Variants in NSMCE4A observed in about 807,000 individuals in gnomAD.
NSMCE4A encodes non-structural maintenance of chromosomes element 4 homolog A.
In NSMCE4A, 40 loss-of-function variants were observed where a neutral mutation model predicts 47.9. The ratio of observed to expected loss-of-function variants is 0.83; its 90% CI spans 0.65 to 1.09. The LOEUF is 1.09. NSMCE4A is among the 50% of genes least tolerant of loss of function. NSMCE4A has a pLI of 0.00. For synonymous variants in NSMCE4A, 166 were observed against 178.5 expected (o/e 0.93, Z 0.56); for missense variants, 500 against 507.0 (o/e 0.99, Z 0.13).
intron 2 of NSMCE4A, among the ~76,000 whole-genome samples, chr10:121,973,536 C>A (rs885543): frequency 0.13 from 19,847 of 152,166 alleles, 1,497 homozygotes; most frequent in Middle Eastern, 0.17. Context: ...AGACTGGAGA[C>A]CAGCAGGTAC....
chr10:121,964,235 C>T (rs575026219), intron 5 of NSMCE4A, among the ~76,000 whole-genome samples: 2 of 144,882 alleles, frequency 1.4e-5, no homozygotes, highest in African/African-American at 5.1e-5. Context: ...CTCCGCTTCC[C>T]AGGTTCAAGC....
rs1180187802 is a variant in NSMCE4A, at chr10:121,959,329, G to A, written c.*7C>T. 2.5e-6 allele frequency: 4 copies of A among 1,613,350 alleles called. No homozygotes were observed. The highest frequency in any genetic ancestry group is 2.5e-6 in the Non-Finnish European group (3 of 1,179,396). On this transcript the variant is annotated 3_prime_UTR_variant, in exon 10 of 11. Coordinates refer to ENST00000369023, the MANE Select transcript of NSMCE4A (RefSeq NM_017615.3). ...CATCCCATTGAAAAGGTTACCTTCA[G>A]CTAGCATCAAGCACTTGGCTTCTGC...
chr10:121,963,475 G>C (rs1272654928), intron 5 of NSMCE4A, 147 bp from the exon 6 acceptor site: 5 of 596,044 alleles, frequency 8.4e-6, no homozygotes, highest in Non-Finnish European at 1.5e-5. Context: ...TTGCCACCCA[G>C]GCTAGAGTGC....
Position 121,970,990 on chromosome 10 carries a change from C to T in NSMCE4A, c.450G>A (p.Gln150=), listed in dbSNP as rs184145592. Residue 150 remains glutamine (Q), a synonymous_variant, in exon 3 of 11, where the codon CAG becomes CAA. Transcript: ENST00000369023. ...ASDLGKEKAK[Q]LRSDLSSFDM... is the part of the protein sequence containing the mutation. Reference sequence around the variant, plus strand: ...CAAAGGAGCTCAGGTCTGAGCGCAGCTGCTTTGCTTTCTCTTTGCCCAAAT... The same window carrying T: ...CAAAGGAGCTCAGGTCTGAGCGCAGTTGCTTTGCTTTCTCTTTGCCCAAAT... 11 of 1,614,046 alleles carry T rather than the reference C, an allele frequency of 6.8e-6. No homozygotes were observed. In the East Asian group the frequency reaches 2.5e-4, roughly 36 times the overall value.
chr10:121,966,752 G>C (rs1952614203), intron 4 of NSMCE4A: 1 of 152,156 alleles, frequency 6.6e-6, no homozygotes, highest in South Asian at 2.1e-4. Flanking sequence ...AGTATTTACT[G>C]GGCAACAAAA....
intron 2 of NSMCE4A, among the ~76,000 whole-genome samples, chr10:121,972,303 G>A (rs1320888073): frequency 1.3e-5 from 2 of 151,894 alleles, no homozygotes; most frequent in South Asian, 2.1e-4. Flanking sequence ...CAGCCTGGGC[G>A]ACAGGTGTAG....
At chr10:121,958,108 A>G (rs1952432916) in intron 10 of NSMCE4A, among the ~76,000 whole-genome samples, 1 of 151,996 alleles carries the variant, frequency 6.6e-6, no homozygotes, top group Non-Finnish European at 1.5e-5. Context: ...GGTGCCTATA[A>G]TCCCAGCTAC....
chr10:121,965,281 C>T lies in NSMCE4A; in HGVS notation c.753+5G>A. 1 of 1,590,988 alleles carries T rather than the reference C, an allele frequency of 6.3e-7. No homozygotes were observed. The highest frequency in any genetic ancestry group is 8.6e-7 in the Non-Finnish European group (1 of 1,168,306). On this transcript the variant is annotated splice_donor_5th_base_variant and intron_variant, in intron 5 of 10. Transcript: ENST00000369023. ...TTTTTTTAAAAGCAACATTTTAAAA[C>T]AAACCTGGGCAGGCATTGCCCTCTC...
chr10:121,964,576 G>A (rs961036000), intron 5 of NSMCE4A, among the ~76,000 whole-genome samples: 11 of 151,870 alleles, frequency 7.2e-5, no homozygotes, highest in East Asian at 1.9e-4. Flanking sequence ...CGAATAGCCC[G>A]GACTACAGGC....
intron 4 of NSMCE4A, chr10:121,967,123 G>T (rs1952621190): frequency 6.6e-6 from 1 of 152,412 alleles, no homozygotes; most frequent in Admixed American, 6.5e-5. Flanking sequence ...GAGAGCACTG[G>T]TAAAGAGGTT....
At chr10:121,963,031 A>C (rs1952530400) in intron 6 of NSMCE4A, among the ~76,000 whole-genome samples, 1 of 152,112 alleles carries the variant, frequency 6.6e-6, no homozygotes, top group Admixed American at 6.6e-5. Flanking sequence ...ATTTTGTAAC[A>C]AAAAAAATCC....
chr10:121,965,072 G>A (rs558180454), intron 5 of NSMCE4A, among the ~76,000 whole-genome samples: 16 of 152,200 alleles, frequency 1.1e-4, no homozygotes, highest in Admixed American at 3.9e-4. Context: ...CCCTGGCTTC[G>A]GAGAACTGAT....
At chr10:121,963,178 A>T in intron 6 of NSMCE4A, 60 bp downstream of exon 6, 1 of 983,316 alleles carries the variant, frequency 1.0e-6, no homozygotes, top group East Asian at 2.4e-5. Flanking sequence ...TTTTAAATAC[A>T]AGTAACCTCA....
In NSMCE4A at chr10:121,961,342, G is replaced by T; in HGVS notation, c.939+81C>A. ...CTGGCTAGTGTATACAGATACCTTTGCCAGCTCCCTTCTACAGCTTTTCTT... is the reference window on the plus strand; with the variant it reads ...CTGGCTAGTGTATACAGATACCTTTTCCAGCTCCCTTCTACAGCTTTTCTT... On this transcript the variant is annotated intron_variant, in intron 7 of 10. Transcript: ENST00000369023. 8.6e-6 allele frequency: 8 copies of T among 929,214 alleles called. No homozygotes were observed. The South Asian group carries it at 1.3e-4, about 16-fold the overall frequency. 57.6% of individuals were successfully genotyped at this position (929,214 alleles called of 1,614,324 possible). A position where few individuals can be genotyped will look rare whatever the true frequency, so the allele number is the denominator to read the frequency against.
rs1315229968 is a variant in NSMCE4A, at chr10:121,961,313, T to C, written c.939+110A>G. On this transcript the variant is annotated intron_variant, in intron 7 of 10. Coordinates refer to ENST00000369023, the MANE Select transcript of NSMCE4A (RefSeq NM_017615.3). ...GTTTTGCTACAATGGGTCTGAAACA[T>C]ATACTGGCTAGTGTATACAGATACC... The C allele has an allele frequency of 4.8e-6, 3 of 630,150 alleles. No homozygotes were observed. In the East Asian group the frequency reaches 1.0e-4, roughly 22 times the overall value. The allele number at this position is 630,150 out of a possible 1,614,324, so 39.0% of individuals were successfully genotyped here.
In NSMCE4A at chr10:121,960,267, G is replaced by A; in HGVS notation, c.988+91C>T. 1 of 852,134 alleles carries A rather than the reference G, an allele frequency of 1.2e-6. No individual in the cohort carries two copies. The highest frequency in any genetic ancestry group is 2.6e-5 in the South Asian group (1 of 37,742). The allele number at this position is 852,134 out of a possible 1,614,324, so 52.8% of individuals were successfully genotyped here. ...AATATTGTAAAAGTTAATCTACATT[G>A]AAAATTCATTTACATTTAGTAAAAT... On this transcript the variant is annotated intron_variant, in intron 8 of 10. Transcript: ENST00000369023. This position sits in a 1 kb window ranked among gnomAD's most constrained non-coding sequence, Gnocchi z 4.2.
intron 5 of NSMCE4A, among the ~76,000 whole-genome samples, chr10:121,964,025 G>A (rs1183878487): frequency 6.9e-6 from 1 of 145,538 alleles, no homozygotes; most frequent in Non-Finnish European, 1.5e-5. Flanking sequence ...GAACCCAGCA[G>A]GCGGAGGTTG....
Position 121,959,308 on chromosome 10 carries a change from C to T in NSMCE4A, c.*12+16G>A, listed in dbSNP as rs1243967356. On this transcript the variant is annotated intron_variant, in intron 10 of 10. Coordinates refer to ENST00000369023, the MANE Select transcript of NSMCE4A (RefSeq NM_017615.3). ...ACTTTAATAGAACTGTGTAGCCATC[C>T]CATTGAAAAGGTTACCTTCAGCTAG... The T allele has an allele frequency of 1.9e-6, 3 of 1,594,816 alleles. No individual in the cohort carries two copies. The highest frequency in any genetic ancestry group is 2.6e-6 in the Non-Finnish European group (3 of 1,162,530).
At chr10:121,962,459 A>T (rs980280401) in intron 6 of NSMCE4A, among the ~76,000 whole-genome samples, 4 of 151,844 alleles carry the variant, frequency 2.6e-5, no homozygotes, top group Non-Finnish European at 4.4e-5. Context: ...TTAATGGAGG[A>T]TCTGTTAAAT....
Sources: gnomAD v4.1 joint callset for allele counts (sites outside exome capture counted in the v4.1 genomes callset) on GRCh38, gnomAD v4.1.1 for gene constraint, Gnocchi (gnomAD v3.1) non-coding constraint, MANE v1.5 for transcripts, NCBI Gene and HGNC (gene_info 2026-07-23, HGNC 2026-07-21) for gene names.